Variants in NRP2 observed in about 807,000 individuals in gnomAD.
NRP2 encodes neuropilin 2.
In NRP2, 52 loss-of-function variants were observed where a neutral mutation model predicts 110.4. The observed-to-expected ratio is 0.47, with a 90% CI of 0.38 to 0.59. The LOEUF (loss-of-function observed/expected upper bound fraction) is 0.59. NRP2 is among the 20% of genes least tolerant of loss of function. The pLI is 0.00. For synonymous variants in NRP2, 508 were observed against 468.9 expected (o/e 1.08, Z -1.08); for missense variants, 1,049 against 1,203.0 (o/e 0.87, Z 1.89).
intron 15 of NRP2, among the ~76,000 whole-genome samples, chr2:205,773,790 GCT>G (rs1188802322): frequency 3.9e-5 from 6 of 152,204 alleles, no homozygotes; most frequent in Non-Finnish European, 8.8e-5. Context: ...CAGCATTTTG[GCT>G]GAAGGAAAGC....
At chr2:205,710,008 TTGG>T (rs568821386) in intron 2 of NRP2, among the ~76,000 whole-genome samples, 123 of 152,380 alleles carry the variant, frequency 8.1e-4, no homozygotes, top group Non-Finnish European at 1.5e-3. Flanking sequence ...ACTTTTCCTG[TTGG>T]TGATTTGTCT....
At chr2:205,695,862 A>G (rs2056413140) in intron 1 of NRP2, among the ~76,000 whole-genome samples, 1 of 152,042 alleles carries the variant, frequency 6.6e-6, no homozygotes, top group East Asian at 1.9e-4. Context: ...GGCACCTGGA[A>G]AGCCTATGGG....
chr2:205,743,260 T>C lies in NRP2; in HGVS notation c.1349T>C (p.Ile450Thr), dbSNP rs765927642. Residue 450 changes from isoleucine to threonine, a missense_variant, in exon 9 of 17, where the codon ATC (isoleucine) becomes ACC (threonine). By Grantham distance (89) the Ile-to-Thr change is moderately conservative (BLOSUM62 -1). Coordinates refer to ENST00000357785, the MANE Select transcript of NRP2 (RefSeq NM_003872.3). ...MLSGLIADSQ[I>T]SASSTQEYLW... ...TCAGGCCTCATTGCAGACTCCCAGA[T>C]CTCCGCCTCTTCCACCCAGGAATAC... is the stretch of plus-strand genomic sequence containing the variant. The C allele has an allele frequency of 1.2e-6, 2 of 1,614,048 alleles. No individual in the cohort carries two copies. The highest frequency in any genetic ancestry group is 1.7e-6 in the Non-Finnish European group (2 of 1,180,018).
In NRP2 at chr2:205,697,548, A is replaced by T; in HGVS notation, c.78A>T (p.Pro26=). The part of the protein sequence containing the change: ...SRHQVRGQPD[P]PCGGRLNSKD... Reference sequence around the variant, plus strand: ...GGTCGTTGATTTCTCTTTCAGACCCACCGTGCGGAGGTCGTTTGAATTCCA... The same window carrying T: ...GGTCGTTGATTTCTCTTTCAGACCCTCCGTGCGGAGGTCGTTTGAATTCCA... Residue 26 remains proline (P), a synonymous_variant, in exon 2 of 17, where the codon CCA becomes CCT. Transcript: ENST00000357785. The T allele has an allele frequency of 1.2e-6, 2 of 1,613,910 alleles. No individual in the cohort carries two copies. The highest frequency in any genetic ancestry group is 1.7e-6 in the Non-Finnish European group (2 of 1,179,896).
At chr2:205,746,842 A>G (rs2105882917) in intron 10 of NRP2, among the ~76,000 whole-genome samples, 1 of 152,336 alleles carries the variant, frequency 6.6e-6, no homozygotes, top group African/African-American at 2.4e-5. Context: ...TGCTGCCTGT[A>G]TGCTGGCTAC....
At chr2:205,723,246 G>T (rs75595594) in intron 4 of NRP2, among the ~76,000 whole-genome samples, 1 of 152,164 alleles carries the variant, frequency 6.6e-6, no homozygotes, top group Non-Finnish European at 1.5e-5. Context: ...CCAGTACTTC[G>T]CAGGTGAAGA....
At chr2:205,705,429 G>GT (rs1468465412) in intron 2 of NRP2, among the ~76,000 whole-genome samples, 1 of 152,212 alleles carries the variant, frequency 6.6e-6, no homozygotes, top group East Asian at 1.9e-4. Flanking sequence ...AGAAATGTGA[G>GT]TTGGGCTTAG....
At chr2:205,777,279 G>C (rs117667663) in intron 15 of NRP2, 1 of 357,822 alleles carries the variant, frequency 2.8e-6, no homozygotes, top group Admixed American at 6.5e-5. Context: ...CCAAGAGAAG[G>C]TTCCCCTAGC....
intron 10 of NRP2, among the ~76,000 whole-genome samples, chr2:205,746,314 C>T (rs924541230): frequency 3.3e-5 from 5 of 152,190 alleles, no homozygotes; most frequent in Non-Finnish European, 5.9e-5. Flanking sequence ...ATTTTCATTT[C>T]GGAGCCACAT....
At chr2:205,777,273 G>A in intron 15 of NRP2, 2 of 410,208 alleles carry the variant, frequency 4.9e-6, no homozygotes, top group Non-Finnish European at 6.6e-6. Context: ...CCTGACCCAA[G>A]AGAAGGTTCC....
chr2:205,793,437 G>A (rs1559372048), intron 16 of NRP2, among the ~76,000 whole-genome samples: 1 of 152,164 alleles, frequency 6.6e-6, no homozygotes, highest in East Asian at 1.9e-4. Context: ...GGCATGCCTT[G>A]GCCACAGTGT....
In NRP2 at chr2:205,796,684, T is replaced by G. The variant is rs2058354964; in HGVS notation, c.*1626T>G. ...AGCCCTAGATGACTCTCAACTACTC[T>G]TCAAAGGGAGGCATCAGGAATAGAA... On this transcript the variant is annotated 3_prime_UTR_variant, in exon 17 of 17. Coordinates refer to ENST00000357785, the MANE Select transcript of NRP2 (RefSeq NM_003872.3). 6.6e-6 allele frequency: 1 copy of G among 152,554 alleles called. No homozygotes were observed. The highest frequency in any genetic ancestry group is 1.5e-5 in the Non-Finnish European group (1 of 68,030). 9.5% of individuals were successfully genotyped at this position (152,554 alleles called of 1,614,324 possible).
At chr2:205,726,575 CA>C (rs1402284737) in intron 6 of NRP2, among the ~76,000 whole-genome samples, 1 of 152,154 alleles carries the variant, frequency 6.6e-6, no homozygotes, top group Admixed American at 6.5e-5. Context: ...CTACCAGGAA[CA>C]GAACTCAAGG....
chr2:205,765,713 G>T, intron 14 of NRP2, 143 bp downstream of exon 14: 1 of 792,028 alleles, frequency 1.3e-6, no homozygotes, highest in Non-Finnish European at 2.2e-6. Flanking sequence ...GTAAGGTGTG[G>T]GTGTAGTTGT....
At chr2:205,768,227 G>A (rs1475785922) in intron 15 of NRP2, 1 of 152,214 alleles carries the variant, frequency 6.6e-6, no homozygotes, top group Admixed American at 6.5e-5. Flanking sequence ...GTGCTCTCTG[G>A]GGGTGAGGTT....
At chr2:205,731,797 T>A (rs1164551696) in intron 7 of NRP2, among the ~76,000 whole-genome samples, 1 of 152,110 alleles carries the variant, frequency 6.6e-6, no homozygotes, top group African/African-American at 2.4e-5. Context: ...GGTCCAAGAA[T>A]TTTCAGAATT....
Position 205,759,597 on chromosome 2 carries a change from T to A in NRP2, c.2045-4077T>A, listed in dbSNP as rs1013906477. ...AAGCAACACAAAAGACCTGTGGTGA[T>A]GGAAAACTTGGGGCCGGCTGGTTTC... On this transcript the variant is annotated intron_variant, in intron 12 of 16. Transcript: ENST00000357785. 3.3e-5 allele frequency: 5 copies of A among 152,218 alleles called. No homozygotes were observed. In the East Asian group the frequency reaches 9.6e-4, roughly 29 times the overall value. 9.4% of individuals were successfully genotyped at this position (152,218 alleles called of 1,614,324 possible).
intron 3 of NRP2, among the ~76,000 whole-genome samples, chr2:205,720,981 A>G (rs2056999951): frequency 6.6e-6 from 1 of 152,234 alleles, no homozygotes; most frequent in Non-Finnish European, 1.5e-5. Flanking sequence ...AAAGCACAGC[A>G]CAAGGTGGAA....
intron 15 of NRP2, among the ~76,000 whole-genome samples, chr2:205,773,265 G>C (rs559998525): frequency 1.3e-5 from 2 of 152,216 alleles, no homozygotes; most frequent in South Asian, 2.1e-4. Context: ...CTAGCCCCCA[G>C]CTGCAAGTCA....
Sources: gnomAD v4.1 joint callset for allele counts (sites outside exome capture counted in the v4.1 genomes callset) on GRCh38, gnomAD v4.1.1 for gene constraint, MANE v1.5 for transcripts, NCBI Gene and HGNC (gene_info 2026-07-23, HGNC 2026-07-21) for gene names.